The following CNTN4 variants were observed in gnomAD, a reference collection of about 807,000 sequenced individuals.
The protein encoded by CNTN4 is contactin 4.
In CNTN4, 77 loss-of-function variants were observed where a neutral mutation model predicts 122.5. The observed-to-expected ratio is 0.63, with a 90% confidence interval of 0.52 to 0.76. CNTN4 has a LOEUF of 0.76. CNTN4 is among the 30% of genes least tolerant of loss of function. CNTN4 has a pLI of 0.00. For missense variants in CNTN4, 1,256 were observed against 1,259.1 expected, an observed-to-expected ratio of 1.00 and a Z score of 0.04; for synonymous variants, 512 against 447.0, an observed-to-expected ratio of 1.15 and a Z score of -1.83.
rs538234022 is a variant in CNTN4, at chr3:2,437,763, C to T, written c.-89+98530C>T. 5.3e-5 allele frequency among the ~76,000 whole-genome samples: 8 copies of T among 152,102 alleles called. No homozygotes were observed. The South Asian group carries it at 1.0e-3, about 20-fold the overall frequency. ...CTTTGAAAAACTCTGAAGCGTGAAG[C>T]GTAATCGCCAATATCTTTGAAGATT... On this transcript the variant is annotated intron_variant, in intron 3 of 24. Transcript: ENST00000418658.
intron 3 of CNTN4, among the ~76,000 whole-genome samples, chr3:2,346,863 C>T (rs187546685): frequency 2.0e-5 from 3 of 152,326 alleles, no homozygotes. Context: ...CCTCAGGACA[C>T]ACTTTTTTCC....
chr3:2,129,223 T>TTAAGATCCCA (rs1349245434), intron 2 of CNTN4, among the ~76,000 whole-genome samples: 2 of 147,460 alleles, frequency 1.4e-5, no homozygotes, highest in African/African-American at 5.1e-5. Flanking sequence ...TGTGATACTA[T>TTAAGATCCCA]TAAGATCCCA....
At chr3:2,398,775 A>T (rs76076133) in intron 3 of CNTN4, among the ~76,000 whole-genome samples, 2 of 152,170 alleles carry the variant, frequency 1.3e-5, no homozygotes, top group Non-Finnish European at 2.9e-5. Flanking sequence ...GGAAATGATC[A>T]CTGATCTGGA....
At chr3:2,649,110 G>A (rs1475463896) in intron 4 of CNTN4, among the ~76,000 whole-genome samples, 1 of 152,188 alleles carries the variant, frequency 6.6e-6, no homozygotes, top group Non-Finnish European at 1.5e-5. Context: ...GAGATTTAAG[G>A]AAAGAGATGC....
intron 3 of CNTN4, among the ~76,000 whole-genome samples, chr3:2,423,719 C>T (rs933705086): frequency 6.6e-6 from 1 of 152,062 alleles, no homozygotes; most frequent in African/African-American, 2.4e-5. Flanking sequence ...GTAGCATCAT[C>T]TGTTCCAAAA....
intron 11 of CNTN4, 68 bp downstream of exon 11, chr3:2,900,889 G>A: frequency 6.4e-7 from 1 of 1,564,224 alleles, no homozygotes; most frequent in East Asian, 2.2e-5. Context: ...CATTGCCGTG[G>A]AAACGGGAGA....
At chr3:2,629,419 A>G in intron 4 of CNTN4, 3 of 347,696 alleles carry the variant, frequency 8.6e-6, no homozygotes, top group South Asian at 4.5e-5. Flanking sequence ...TTAAAAAAAT[A>G]CTTTTCAAAT....
At chr3:2,254,457 A>T (rs956454670) in intron 2 of CNTN4, among the ~76,000 whole-genome samples, 2 of 152,162 alleles carry the variant, frequency 1.3e-5, no homozygotes, top group African/African-American at 4.8e-5. Context: ...ATCCTTGAGG[A>T]ATTGCCACAC....
At chr3:2,666,480 C>A (rs1437911910) in intron 4 of CNTN4, among the ~76,000 whole-genome samples, 1 of 152,126 alleles carries the variant, frequency 6.6e-6, no homozygotes, top group Non-Finnish European at 1.5e-5. Context: ...TTTATGATCA[C>A]TGTTGATTTT....
At chr3:2,865,413 G>T (rs10510241) in intron 7 of CNTN4, among the ~76,000 whole-genome samples, 1 of 151,874 alleles carries the variant, frequency 6.6e-6, no homozygotes, top group Non-Finnish European at 1.5e-5. Flanking sequence ...AGTAATTAGC[G>T]TTCTCTCTAC....
At chr3:2,306,845 A>T (rs2042726357) in intron 2 of CNTN4, among the ~76,000 whole-genome samples, 1 of 151,978 alleles carries the variant, frequency 6.6e-6, no homozygotes, top group Non-Finnish European at 1.5e-5. Flanking sequence ...TACTGATTTT[A>T]TTAAATTTGT....
chr3:2,683,017 G>A (rs1372653178), intron 4 of CNTN4, among the ~76,000 whole-genome samples: 1 of 152,086 alleles, frequency 6.6e-6, no homozygotes, highest in South Asian at 2.1e-4. Context: ...GAGTGATTGA[G>A]ATCTGTCTTG....
chr3:2,380,075 A>T (rs945602534), intron 3 of CNTN4, among the ~76,000 whole-genome samples: 1 of 151,096 alleles, frequency 6.6e-6, no homozygotes, highest in Admixed American at 6.7e-5. Context: ...AAAAAAAAAA[A>T]TCATAGGGTT....
At chr3:2,932,257 A>T (rs564576799) in intron 13 of CNTN4, among the ~76,000 whole-genome samples, 1 of 152,264 alleles carries the variant, frequency 6.6e-6, no homozygotes, top group Admixed American at 6.5e-5. Context: ...GGGCGCCTGT[A>T]GTCCCAGCTA....
chr3:2,668,273 A>C (rs534283089), intron 4 of CNTN4, among the ~76,000 whole-genome samples: 1 of 150,562 alleles, frequency 6.6e-6, no homozygotes, highest in Non-Finnish European at 1.5e-5. Flanking sequence ...TTCCTTGAGC[A>C]GTGGTTTGTA....
intron 7 of CNTN4, among the ~76,000 whole-genome samples, chr3:2,828,744 CTGTT>C (rs1163451463): frequency 6.6e-6 from 1 of 151,870 alleles, no homozygotes; most frequent in Non-Finnish European, 1.5e-5. Context: ...AAATATTCTT[CTGTT>C]TGTTTTTCTT....
At chr3:2,674,988 C>G (rs1223157812) in intron 4 of CNTN4, among the ~76,000 whole-genome samples, 1 of 152,080 alleles carries the variant, frequency 6.6e-6, no homozygotes. Flanking sequence ...TGGTATTTAT[C>G]TTTCAAATAT....
chr3:2,776,728 A>G (rs1036969155), intron 6 of CNTN4, among the ~76,000 whole-genome samples: 3 of 152,144 alleles, frequency 2.0e-5, no homozygotes, highest in African/African-American at 4.8e-5. Context: ...TTGATTACCT[A>G]TAGGTTCCTC....
chr3:2,458,041 A>G (rs928803331), intron 3 of CNTN4, among the ~76,000 whole-genome samples: 4 of 152,112 alleles, frequency 2.6e-5, no homozygotes, highest in African/African-American at 9.7e-5. Flanking sequence ...CGTCTGTGGA[A>G]CCACAGCTTC....
Sources: gnomAD v4.1 joint callset for allele counts (sites outside exome capture counted in the v4.1 genomes callset) on GRCh38, gnomAD v4.1.1 for gene constraint, MANE v1.5 for transcripts, NCBI Gene and HGNC (gene_info 2026-07-23, HGNC 2026-07-21) for gene names.